FGF14: variants seen among roughly 807,000 people sequenced by gnomAD.
FGF14 encodes the protein fibroblast growth factor homologous factor 4.
In FGF14, 5 loss-of-function variants were observed where a neutral mutation model predicts 25.5. That is an observed-to-expected ratio of 0.20 (90% confidence interval 0.10 to 0.41). The LOEUF (loss-of-function observed/expected upper bound fraction) is 0.41, where lower values mean the gene tolerates loss of function less well. Ranked by LOEUF, FGF14 falls within the 10% of genes least tolerant of loss-of-function variation. FGF14 has a pLI of 1.00. For synonymous variants in FGF14, 138 were observed against 118.3 expected (o/e 1.17, Z -1.08); for missense variants, 222 against 320.1 (o/e 0.69, Z 2.34).
At chr13:101,738,963 T>C (rs909113545) in intron 3 of FGF14, among the ~76,000 whole-genome samples, 1 of 148,676 alleles carries the variant, frequency 6.7e-6, no homozygotes, top group Non-Finnish European at 1.5e-5. Flanking sequence ...TGTGTATATA[T>C]ATATATATAT....
At chr13:102,262,765 C>G (rs556750066) in intron 1 of FGF14, among the ~76,000 whole-genome samples, 1 of 152,106 alleles carries the variant, frequency 6.6e-6, no homozygotes, top group Non-Finnish European at 1.5e-5. Flanking sequence ...TCATGTTTAC[C>G]TTATTTTATT....
At chr13:102,362,878 ATCTT>A (rs1164871909) in intron 1 of FGF14, among the ~76,000 whole-genome samples, 4 of 152,326 alleles carry the variant, frequency 2.6e-5, no homozygotes, top group Middle Eastern at 3.4e-3. Context: ...AATAATAACT[ATCTT>A]TATCTAATCA....
At chr13:102,351,315 C>T (rs1478276401) in intron 1 of FGF14, among the ~76,000 whole-genome samples, 1 of 152,016 alleles carries the variant, frequency 6.6e-6, no homozygotes, top group Non-Finnish European at 1.5e-5. Flanking sequence ...TCTTCCTCAT[C>T]TTTCTCTAAT....
chr13:102,153,885 A>G (rs1303820284), intron 1 of FGF14, among the ~76,000 whole-genome samples: 1 of 152,242 alleles, frequency 6.6e-6, no homozygotes, highest in Non-Finnish European at 1.5e-5. Flanking sequence ...CCTGGGCAGT[A>G]TATTAAGCAA....
At chr13:102,257,927 G>A (rs1177389871) in intron 1 of FGF14, among the ~76,000 whole-genome samples, 5 of 152,120 alleles carry the variant, frequency 3.3e-5, no homozygotes, top group Non-Finnish European at 7.3e-5. Context: ...CTGTGTATTA[G>A]TCTGTTCTCA....
Position 101,875,170 on chromosome 13 carries a change from T to G in FGF14, c.304+16A>C. Reference sequence around the variant, plus strand: ...TCTACCAACTATGTAACTGGTGGCCTGAGGTTGTCACTTACTAGAATTAGT... The same window carrying G: ...TCTACCAACTATGTAACTGGTGGCCGGAGGTTGTCACTTACTAGAATTAGT... On this transcript the variant is annotated intron_variant, in intron 2 of 4. Transcript: ENST00000376143. 5 of 1,561,296 alleles carry G rather than the reference T, an allele frequency of 3.2e-6. No homozygotes were observed. Among genetic ancestry groups the G allele is most frequent in the Non-Finnish European group, 4.4e-6 (5 of 1,132,012 alleles).
At chr13:101,972,708 T>C (rs1372966056) in intron 1 of FGF14, among the ~76,000 whole-genome samples, 1 of 152,194 alleles carries the variant, frequency 6.6e-6, no homozygotes, top group African/African-American at 2.4e-5. Context: ...GGGGTCTCGC[T>C]ATATTGCCCA....
At chr13:101,897,419 T>A (rs904146620) in intron 1 of FGF14, among the ~76,000 whole-genome samples, 67 of 152,172 alleles carry the variant, frequency 4.4e-4, no homozygotes, top group Non-Finnish European at 1.5e-5. Flanking sequence ...AGCATCACAA[T>A]GAACCACAGG....
chr13:102,095,026 A>G (rs2044326757), intron 1 of FGF14, among the ~76,000 whole-genome samples: 1 of 152,170 alleles, frequency 6.6e-6, no homozygotes, highest in African/African-American at 2.4e-5. Context: ...GAGAAACATC[A>G]TGAAAGCCTG....
intron 1 of FGF14, among the ~76,000 whole-genome samples, chr13:101,905,317 G>C (rs1355330331): frequency 6.6e-6 from 1 of 152,166 alleles, no homozygotes; most frequent in Non-Finnish European, 1.5e-5. Context: ...GTCCATCAAT[G>C]ATAGATTGGA....
At chr13:101,783,455 C>T (rs889978384) in intron 3 of FGF14, among the ~76,000 whole-genome samples, 11 of 141,406 alleles carry the variant, frequency 7.8e-5, no homozygotes, top group South Asian at 4.7e-4. Flanking sequence ...GGTGACAGAG[C>T]GAGACTCTGT....
rs1475995491 is a variant in FGF14, at chr13:102,371,319, T to C, written c.208+30152A>G. Among the ~76,000 whole-genome samples the C allele has an allele frequency of 2.0e-5, 3 of 152,162 alleles. No homozygotes were observed. The East Asian group carries it at 5.8e-4, about 29-fold the overall frequency. ...CCTCCCCATGCCATCTTCTCACTGG[T>C]TCCAAGTCACAACAGGTTATTTCAC... On this transcript the variant is annotated intron_variant, in intron 1 of 4. Coordinates refer to the FGF14 transcript ENST00000376131.
intron 1 of FGF14, among the ~76,000 whole-genome samples, chr13:101,943,544 A>T (rs1349640428): frequency 6.6e-6 from 1 of 152,202 alleles, no homozygotes; most frequent in Non-Finnish European, 1.5e-5. Context: ...AGGTCTAAAC[A>T]TCAATTGTTG....
chr13:102,163,189 A>G (rs1323338982), intron 1 of FGF14, among the ~76,000 whole-genome samples: 2 of 152,184 alleles, frequency 1.3e-5, no homozygotes, highest in Non-Finnish European at 2.9e-5. Context: ...ATAACCTGTC[A>G]TAGATGAATT....
intron 3 of FGF14, among the ~76,000 whole-genome samples, chr13:101,750,758 CT>C (rs1274893467): frequency 6.6e-6 from 1 of 152,070 alleles, no homozygotes; most frequent in Non-Finnish European, 1.5e-5. Flanking sequence ...TTCATGGCAG[CT>C]TTATTCCTAA....
chr13:102,288,873 C>A (rs540256858), intron 1 of FGF14, among the ~76,000 whole-genome samples: 147 of 152,258 alleles, frequency 9.7e-4, no homozygotes, highest in Admixed American at 2.2e-3. Context: ...GCATGAGCCA[C>A]CACTCCTCAC....
chr13:102,161,679 GAA>G (rs1269446803), intron 1 of FGF14, among the ~76,000 whole-genome samples: 5 of 60,804 alleles, frequency 8.2e-5, no homozygotes, highest in Admixed American at 2.1e-4. Context: ...AGAAGAAGAA[GAA>G]GAAGAAGAAG....
chr13:101,783,264 G>A (rs1778869006), intron 3 of FGF14, among the ~76,000 whole-genome samples: 1 of 152,092 alleles, frequency 6.6e-6, no homozygotes. Flanking sequence ...AAGGTCAGGA[G>A]ATCAAGACCA....
intron 3 of FGF14, among the ~76,000 whole-genome samples, chr13:101,796,192 G>A (rs1489448823): frequency 2.0e-5 from 3 of 151,938 alleles, no homozygotes; most frequent in Non-Finnish European, 4.4e-5. Flanking sequence ...TAAGTTATAT[G>A]AACATGATTT....
Sources: gnomAD v4.1 joint callset for allele counts (sites outside exome capture counted in the v4.1 genomes callset) on GRCh38, gnomAD v4.1.1 for gene constraint, MANE v1.5 for transcripts, NCBI Gene and HGNC (gene_info 2026-07-23, HGNC 2026-07-21) for gene names.